Variants in MAPK4 observed in about 807,000 individuals in gnomAD.
The protein encoded by MAPK4 is mitogen-activated protein kinase 4.
A neutral mutation model predicts 47.7 loss-of-function variants in MAPK4; 22 were observed. The observed-to-expected ratio is 0.46, with a 90% CI of 0.33 to 0.66. The LOEUF (loss-of-function observed/expected upper bound fraction) is 0.66. Ranked by LOEUF, MAPK4 falls within the 30% of genes least tolerant of loss-of-function variation. MAPK4 has a pLI of 0.02. For synonymous variants in MAPK4, 390 were observed against 365.7 expected, an observed-to-expected ratio of 1.07 and a Z score of -0.76; for missense variants, 736 against 831.7, an observed-to-expected ratio of 0.88 and a Z score of 1.42.
intron 1 of MAPK4, among the ~76,000 whole-genome samples, chr18:50,632,846 C>T (rs1456957326): frequency 6.6e-6 from 1 of 152,170 alleles, no homozygotes; most frequent in Admixed American, 6.5e-5. Flanking sequence ...TCTCAAACTC[C>T]TGACCTCAGG....
At chr18:50,702,289 C>T (rs1196189320) in intron 2 of MAPK4, among the ~76,000 whole-genome samples, 1 of 151,952 alleles carries the variant, frequency 6.6e-6, no homozygotes, top group Non-Finnish European at 1.5e-5. Flanking sequence ...CGTGGTGGTG[C>T]ATGCCTGTAG....
At chr18:50,659,753 T>C (rs16952341) in intron 1 of MAPK4, among the ~76,000 whole-genome samples, 5,502 of 152,282 alleles carry the variant, frequency 0.036, 281 homozygotes, top group African/African-American at 0.12. Flanking sequence ...GCTGCTCTTG[T>C]GAGAGTTCCA....
intron 1 of MAPK4, among the ~76,000 whole-genome samples, chr18:50,596,638 A>G (rs2042484000): frequency 2.0e-5 from 3 of 152,222 alleles, no homozygotes; most frequent in African/African-American, 7.2e-5. Flanking sequence ...ATTGGCCATA[A>G]GGTGCATGAT....
chr18:50,628,964 TC>T (rs1285313491), intron 1 of MAPK4, among the ~76,000 whole-genome samples: 1 of 152,250 alleles, frequency 6.6e-6, no homozygotes, highest in Non-Finnish European at 1.5e-5. Flanking sequence ...GAAAAGTATT[TC>T]TTTTCTTTGT....
chr18:50,599,697 G>A (rs2042518312), intron 1 of MAPK4, among the ~76,000 whole-genome samples: 1 of 152,158 alleles, frequency 6.6e-6, no homozygotes, highest in Non-Finnish European at 1.5e-5. Flanking sequence ...GGGTTTACAA[G>A]TGTGAACCAC....
intron 1 of MAPK4, among the ~76,000 whole-genome samples, chr18:50,582,506 G>A (rs2042354672): frequency 6.6e-6 from 1 of 152,222 alleles, no homozygotes; most frequent in African/African-American, 2.4e-5. Context: ...TAGGCCAGTG[G>A]TTCTCAAACT....
chr18:50,621,866 C>T (rs1449928710), intron 1 of MAPK4, among the ~76,000 whole-genome samples: 1 of 152,272 alleles, frequency 6.6e-6, no homozygotes, highest in Non-Finnish European at 1.5e-5. Flanking sequence ...TGGCACTTAG[C>T]ATTAGCTAAT....
intron 1 of MAPK4, among the ~76,000 whole-genome samples, chr18:50,649,820 C>T (rs553364030): frequency 4.6e-5 from 7 of 152,190 alleles, no homozygotes; most frequent in Non-Finnish European, 1.0e-4. Context: ...CATAAGGACC[C>T]CGGGTCATAG....
At chr18:50,615,092 A>G (rs1377171042) in intron 1 of MAPK4, among the ~76,000 whole-genome samples, 2 of 152,174 alleles carry the variant, frequency 1.3e-5, no homozygotes, top group Non-Finnish European at 2.9e-5. Context: ...TGAAGGCTGA[A>G]CATTAGTCAC....
At chr18:50,586,521 G>GGTACATAGAGTTGGGCAGAAAACGTAAT (rs2042389710) in intron 1 of MAPK4, among the ~76,000 whole-genome samples, 2 of 151,750 alleles carry the variant, frequency 1.3e-5, no homozygotes, top group South Asian at 4.2e-4. Context: ...TTATTTACTA[G>GGTACATAGAGTTGGGCAGAAAACGTAAT]GTACATAGAG....
chr18:50,703,062 C>A (rs1184066258), intron 2 of MAPK4, among the ~76,000 whole-genome samples: 1 of 152,174 alleles, frequency 6.6e-6, no homozygotes, highest in Non-Finnish European at 1.5e-5. Flanking sequence ...AAGACCTTTC[C>A]CAAAGTCAGG....
intron 1 of MAPK4, among the ~76,000 whole-genome samples, chr18:50,643,471 C>T (rs768639572): frequency 2.0e-5 from 3 of 152,224 alleles, no homozygotes; most frequent in Non-Finnish European, 2.9e-5. Flanking sequence ...TGCAGCGAGT[C>T]GAGGTCGCGC....
At chr18:50,707,922 G>A (rs969961015) in intron 2 of MAPK4, among the ~76,000 whole-genome samples, 1 of 152,162 alleles carries the variant, frequency 6.6e-6, no homozygotes, top group Non-Finnish European at 1.5e-5. Context: ...GCCCTGAAAG[G>A]GGATCAGCAG....
chr18:50,650,545 G>T (rs1486974092), intron 1 of MAPK4, among the ~76,000 whole-genome samples: 1 of 152,168 alleles, frequency 6.6e-6, no homozygotes, highest in Non-Finnish European at 1.5e-5. Flanking sequence ...TGGCCTTAAG[G>T]GGGCTTGGCT....
At chr18:50,589,527 C>T (rs1021256407) in intron 1 of MAPK4, among the ~76,000 whole-genome samples, 14 of 146,598 alleles carry the variant, frequency 9.5e-5, no homozygotes, top group Non-Finnish European at 1.5e-4. Context: ...ACCCGGGAGG[C>T]GGAGCTTGCA....
intron 1 of MAPK4, among the ~76,000 whole-genome samples, chr18:50,563,235 C>T (rs774827451): frequency 7.9e-5 from 12 of 152,244 alleles, no homozygotes; most frequent in African/African-American, 1.7e-4. Context: ...AGAAAACAAA[C>T]GGGCTTTGCA....
chr18:50,594,593 C>G (rs2042466543), intron 1 of MAPK4, among the ~76,000 whole-genome samples: 1 of 152,062 alleles, frequency 6.6e-6, no homozygotes, highest in African/African-American at 2.4e-5. Context: ...CACATCAAAA[C>G]TAATTTGAGA....
intron 2 of MAPK4, among the ~76,000 whole-genome samples, chr18:50,710,522 A>G (rs1217153930): frequency 6.6e-6 from 1 of 151,990 alleles, no homozygotes; most frequent in African/African-American, 2.4e-5. Context: ...TCACGCCTGT[A>G]ATCCCAGCAC....
intron 2 of MAPK4, among the ~76,000 whole-genome samples, chr18:50,691,561 A>G (rs550627283): frequency 6.6e-6 from 1 of 152,280 alleles, no homozygotes; most frequent in African/African-American, 2.4e-5. Flanking sequence ...GTGTATACCT[A>G]CTCTGTGTCG....
Sources: gnomAD v4.1 joint callset for allele counts (sites outside exome capture counted in the v4.1 genomes callset) on GRCh38, gnomAD v4.1.1 for gene constraint, MANE v1.5 for transcripts, NCBI Gene and HGNC (gene_info 2026-07-23, HGNC 2026-07-21) for gene names.